The following RABGAP1L variants were observed in gnomAD, a reference collection of about 807,000 sequenced individuals.
RABGAP1L encodes RAB GTPase activating protein 1 like.
Under a neutral mutation model 137.7 loss-of-function variants are expected in RABGAP1L, and 63 were observed. That is an observed-to-expected ratio of 0.46 (90% CI 0.37 to 0.56). The LOEUF is 0.56. Ranked by LOEUF, RABGAP1L falls within the 20% of genes least tolerant of loss-of-function variation. The probability of loss-of-function intolerance (pLI) is 0.00; values close to 1 mark genes in which losing one functional copy is unlikely to be tolerated. For synonymous variants in RABGAP1L, 431 were observed against 433.7 expected (o/e 0.99, Z 0.08); for missense variants, 1,095 against 1,244.0 (o/e 0.88, Z 1.80).
At chr1:174,821,415 A>G (rs1350487430) in intron 19 of RABGAP1L, among the ~76,000 whole-genome samples, 2 of 152,150 alleles carry the variant, frequency 1.3e-5, no homozygotes, top group African/African-American at 4.8e-5. Context: ...CTCCAGCTCA[A>G]TTACCTATAT....
At chr1:174,639,319 A>G (rs1674335315) in intron 14 of RABGAP1L, among the ~76,000 whole-genome samples, 1 of 152,176 alleles carries the variant, frequency 6.6e-6, no homozygotes, top group African/African-American at 2.4e-5. Context: ...GATCTTTAGA[A>G]AGTGATATAT....
At chr1:174,973,891 G>A (rs1373426507) in intron 21 of RABGAP1L, among the ~76,000 whole-genome samples, 4 of 151,700 alleles carry the variant, frequency 2.6e-5, no homozygotes, top group Non-Finnish European at 5.9e-5. Flanking sequence ...ACATTCTGGG[G>A]TAGAACTTGA....
chr1:174,959,141 C>T (rs1049541263), intron 20 of RABGAP1L, among the ~76,000 whole-genome samples: 2 of 152,226 alleles, frequency 1.3e-5, no homozygotes, highest in Admixed American at 1.3e-4. Flanking sequence ...CCACATACTT[C>T]TATAGCAGAT....
At chr1:174,547,898 C>T (rs2147968589) in intron 13 of RABGAP1L, 2 of 1,548,916 alleles carry the variant, frequency 1.3e-6, no homozygotes, top group South Asian at 1.2e-5. Flanking sequence ...TATGAAGGGT[C>T]TATGAAGGTC....
chr1:174,257,465 A>G lies in RABGAP1L; in HGVS notation c.986+4875A>G, dbSNP rs550538702. ...TATATATGTTCTTTGCTAACTGGGT[A>G]GAACATTTGCACACACATTTAAATA... On this transcript the variant is annotated intron_variant, in intron 7 of 25. Coordinates refer to ENST00000681986, the MANE Select transcript of RABGAP1L (RefSeq NM_001366446.1). 2.9e-3 allele frequency among the ~76,000 whole-genome samples: 449 copies of G among 152,358 alleles called. 3 individuals carry two copies. The highest frequency in any genetic ancestry group is 4.9e-3 in the Non-Finnish European group (335 of 68,040).
At chr1:174,833,449 G>GAGATATATATATATATATATATAT (rs1553259972) in intron 19 of RABGAP1L, among the ~76,000 whole-genome samples, 8 of 27,824 alleles carry the variant, frequency 2.9e-4, no homozygotes, top group Non-Finnish European at 8.8e-4. Context: ...TGTGTGTAGA[G>GAGATATATATATATATATATATAT]ATATATATAT....
intron 12 of RABGAP1L, among the ~76,000 whole-genome samples, chr1:174,386,853 A>G (rs149803814): frequency 2.6e-4 from 40 of 152,282 alleles, no homozygotes; most frequent in African/African-American, 8.2e-4. Context: ...GAGTAAGTGA[A>G]TAAACTAGGA....
At chr1:174,615,054 G>A (rs1472643757) in intron 13 of RABGAP1L, among the ~76,000 whole-genome samples, 2 of 152,104 alleles carry the variant, frequency 1.3e-5, no homozygotes, top group Non-Finnish European at 1.5e-5. Flanking sequence ...TAGTTTGATC[G>A]TCTGAAGCCT....
chr1:174,633,439 G>A (rs1413050818), intron 13 of RABGAP1L, among the ~76,000 whole-genome samples: 9 of 151,508 alleles, frequency 5.9e-5, no homozygotes, highest in South Asian at 2.1e-4. Flanking sequence ...AATCAATATC[G>A]TGAAAATGGC....
intron 13 of RABGAP1L, among the ~76,000 whole-genome samples, chr1:174,496,817 T>G (rs529905710): frequency 6.6e-6 from 1 of 152,208 alleles, no homozygotes; most frequent in Non-Finnish European, 1.5e-5. Flanking sequence ...AAAGATTGTT[T>G]GCCTGAAAGA....
intron 14 of RABGAP1L, among the ~76,000 whole-genome samples, chr1:174,675,116 G>T (rs1001147725): frequency 1.2e-4 from 19 of 152,084 alleles, no homozygotes; most frequent in South Asian, 2.1e-4. Context: ...GTCAATTTTG[G>T]CTTTTGTTGC....
chr1:174,574,023 G>A (rs1443227756), intron 13 of RABGAP1L, among the ~76,000 whole-genome samples: 3 of 152,212 alleles, frequency 2.0e-5, no homozygotes, highest in South Asian at 2.1e-4. Context: ...TTCAGTAGTT[G>A]AGAATGCTGA....
intron 18 of RABGAP1L, among the ~76,000 whole-genome samples, chr1:174,760,626 G>A (rs1306444149): frequency 6.6e-6 from 1 of 152,182 alleles, no homozygotes; most frequent in African/African-American, 2.4e-5. Flanking sequence ...GTGCTGCGAT[G>A]AACATGCATG....
At chr1:174,495,535 A>G (rs192218690) in intron 13 of RABGAP1L, among the ~76,000 whole-genome samples, 1 of 152,304 alleles carries the variant, frequency 6.6e-6, no homozygotes, top group African/African-American at 2.4e-5. Flanking sequence ...AAAAGATCCA[A>G]AAGGATCTAA....
chr1:174,793,515 C>A (rs546924641), intron 18 of RABGAP1L, among the ~76,000 whole-genome samples: 1 of 152,172 alleles, frequency 6.6e-6, no homozygotes, highest in African/African-American at 2.4e-5. Flanking sequence ...TCTAATTCTT[C>A]GATGTTTGAG....
chr1:174,918,808 A>G (rs1661308093), intron 19 of RABGAP1L, among the ~76,000 whole-genome samples: 1 of 93,174 alleles, frequency 1.1e-5, no homozygotes, highest in South Asian at 2.8e-4. Flanking sequence ...GAGCCTGGGC[A>G]ACAAAGTGAG....
At chr1:174,385,903 A>G (rs953127559) in intron 12 of RABGAP1L, among the ~76,000 whole-genome samples, 2 of 152,234 alleles carry the variant, frequency 1.3e-5, no homozygotes, top group African/African-American at 2.4e-5. Flanking sequence ...TAGTTTTGCT[A>G]TAAAAGGATG....
intron 13 of RABGAP1L, among the ~76,000 whole-genome samples, chr1:174,626,034 G>A (rs16847257): frequency 0.089 from 13,609 of 152,216 alleles, 825 homozygotes; most frequent in East Asian, 0.22. Context: ...GTAACAGCAT[G>A]GATTTCAGCT....
At chr1:174,895,831 C>T (rs1464066649) in intron 19 of RABGAP1L, among the ~76,000 whole-genome samples, 1 of 152,156 alleles carries the variant, frequency 6.6e-6, no homozygotes, top group Non-Finnish European at 1.5e-5. Flanking sequence ...TTTTCTTAAT[C>T]CAGTCTTTCA....
Sources: allele counts gnomAD v4.1 joint callset (sites outside exome capture counted in the v4.1 genomes callset), GRCh38; gene constraint gnomAD v4.1.1; transcripts MANE v1.5; gene names NCBI Gene and HGNC (gene_info 2026-07-23, HGNC 2026-07-21).